Variants in ABLIM2 observed in about 807,000 individuals in gnomAD.
The protein encoded by ABLIM2 is actin-binding LIM protein 2.
A neutral mutation model predicts 97.7 loss-of-function variants in ABLIM2; 53 were observed. That is an observed-to-expected ratio of 0.54 (90% CI 0.44 to 0.68). ABLIM2 has a LOEUF of 0.68. ABLIM2 is among the 30% of genes least tolerant of loss of function. The probability of loss-of-function intolerance (pLI) is 0.00; values close to 1 mark genes in which losing one functional copy is unlikely to be tolerated. For synonymous variants in ABLIM2, 361 were observed against 345.8 expected (o/e 1.04, Z -0.49); for missense variants, 835 against 867.2 (o/e 0.96, Z 0.47).
At chr4:8,103,916 C>T (rs1308413120) in intron 2 of ABLIM2, among the ~76,000 whole-genome samples, 2 of 152,192 alleles carry the variant, frequency 1.3e-5, no homozygotes, top group Non-Finnish European at 2.9e-5. Flanking sequence ...TTAAAATAGG[C>T]TTTTAAAAAG....
At chr4:8,108,661 G>T (rs1031132195) in intron 1 of ABLIM2, among the ~76,000 whole-genome samples, 19 of 152,224 alleles carry the variant, frequency 1.2e-4, no homozygotes, top group African/African-American at 4.6e-4. Context: ...AATCACACGG[G>T]ACGCCCCCCT....
chr4:8,089,649 C>A (rs1249539493), intron 3 of ABLIM2, among the ~76,000 whole-genome samples: 7 of 145,398 alleles, frequency 4.8e-5, no homozygotes, highest in Non-Finnish European at 1.0e-4. Context: ...GCAGGACAAT[C>A]GCTTGAACTG....
In ABLIM2 at chr4:8,003,344, C is replaced by T. The variant is rs532867102; in HGVS notation, c.1618+4715G>A. Among the ~76,000 whole-genome samples, 15 of 152,274 alleles carry T rather than the reference C, an allele frequency of 9.9e-5. No homozygotes were observed. The East Asian group carries it at 1.2e-3, about 12-fold the overall frequency. On this transcript the variant is annotated intron_variant, in intron 16 of 20. Transcript: ENST00000447017. The surrounding 1 kb of genome is among the most constrained non-coding windows in gnomAD (Gnocchi z 4.2). Reference sequence around the variant, plus strand: ...TCATAGAGGGCTGGCCGTCTCATGTCATTCGCTGAATGCTGTACTGAGAGT... The same window carrying T: ...TCATAGAGGGCTGGCCGTCTCATGTTATTCGCTGAATGCTGTACTGAGAGT...
At chr4:8,131,260 T>C (rs542491706) in intron 1 of ABLIM2, among the ~76,000 whole-genome samples, 2 of 152,326 alleles carry the variant, frequency 1.3e-5, no homozygotes, top group African/African-American at 2.4e-5. Flanking sequence ...ACTGATACTA[T>C]ATGTAAATGG....
chr4:8,012,686 C>T (rs1765856247), intron 14 of ABLIM2, among the ~76,000 whole-genome samples: 1 of 152,042 alleles, frequency 6.6e-6, no homozygotes, highest in Non-Finnish European at 1.5e-5. Context: ...TGTGCCTTCA[C>T]TTATTTTGAT....
chr4:8,020,203 T>A lies in ABLIM2; in HGVS notation c.1368A>T (p.Pro456=). ...YQQAPRHFHV[P]DTGVKDNIYR... ...CAGCCAGCGTGTCCCGGAGCCTACCTGGGACGTGGAAGTGGCGAGGTGCCT... is the reference window on the plus strand; with the variant it reads ...CAGCCAGCGTGTCCCGGAGCCTACCAGGGACGTGGAAGTGGCGAGGTGCCT... The change falls in exon 13 of 21, where the codon CCA becomes CCT. Residue 456 remains proline, a splice_region_variant and synonymous_variant. Coordinates refer to ENST00000447017, the MANE Select transcript of ABLIM2 (RefSeq NM_001130083.2). 1.2e-5 allele frequency: 20 copies of A among 1,612,888 alleles called. No homozygotes were observed. The highest frequency in any genetic ancestry group is 1.7e-5 in the Non-Finnish European group (20 of 1,179,356).
intron 1 of ABLIM2, among the ~76,000 whole-genome samples, chr4:8,145,463 C>G (rs1029746181): frequency 2.0e-5 from 3 of 152,098 alleles, no homozygotes; most frequent in African/African-American, 2.4e-5. Context: ...GGATTACAGG[C>G]ATGAGCTACC....
Position 8,075,933 on chromosome 4 carries a change from C to T in ABLIM2, c.675+1695G>A, listed in dbSNP as rs572461457. Reference sequence around the variant, plus strand: ...ACTATGATTACATGGAAAGAAAAAACGAAAGAAAACTGGCCAGAAAGTTAG... The same window carrying T: ...ACTATGATTACATGGAAAGAAAAAATGAAAGAAAACTGGCCAGAAAGTTAG... On this transcript the variant is annotated intron_variant, in intron 6 of 20. Coordinates refer to ENST00000447017, the MANE Select transcript of ABLIM2 (RefSeq NM_001130083.2). The surrounding 1 kb of genome is among the most constrained non-coding windows in gnomAD (Gnocchi z 4.4). Among the ~76,000 whole-genome samples, 26 of 152,162 alleles carry T rather than the reference C, an allele frequency of 1.7e-4. No individual in the cohort carries two copies. Among genetic ancestry groups the T allele is most frequent in the Non-Finnish European group, 2.9e-4 (20 of 68,026 alleles).
chr4:8,036,001 G>T, intron 10 of ABLIM2, 148 bp downstream of exon 10: 1 of 992,010 alleles, frequency 1.0e-6, no homozygotes, highest in East Asian at 2.7e-5. Flanking sequence ...ATGGCTATCT[G>T]ATGGGCGTGA....
chr4:8,050,523 C>T (rs906469931), intron 8 of ABLIM2, among the ~76,000 whole-genome samples: 20 of 152,266 alleles, frequency 1.3e-4, no homozygotes, highest in African/African-American at 4.3e-4. Context: ...GGGCTAGGAC[C>T]GGGAGTCATT....
In ABLIM2 at chr4:8,127,420, G is replaced by A. The variant is rs1054133007; in HGVS notation, c.11-20783C>T. ...CGCAGGGCACAACTTGACTGGACCC[G>A]TCCTTTCCCACCAGACCCCTGAAGC... On this transcript the variant is annotated intron_variant, in intron 1 of 20. Transcript: ENST00000447017. The surrounding 1 kb of genome is among the most constrained non-coding windows in gnomAD (Gnocchi z 7.3). 1.9e-5 allele frequency: 22 copies of A among 1,173,914 alleles called. No individual in the cohort carries two copies. Among genetic ancestry groups the A allele is most frequent in the Admixed American group, 1.0e-4 (4 of 39,210 alleles). 72.7% of individuals were successfully genotyped at this position (1,173,914 alleles called of 1,614,324 possible).
rs1348024102 is a variant in ABLIM2, at chr4:8,125,439, G to A, written c.11-18802C>T. 6.6e-6 allele frequency among the ~76,000 whole-genome samples: 1 copy of A among 152,246 alleles called. No homozygotes were observed. The highest frequency in any genetic ancestry group is 1.5e-5 in the Non-Finnish European group (1 of 68,044). ...AATTGTGGATACCCTTGCTTCGCAT[G>A]TGAATCGCGATCTGCAGTGCTGATG... is the stretch of plus-strand genomic sequence containing the variant. On this transcript the variant is annotated intron_variant, in intron 1 of 20. Coordinates refer to ENST00000447017, the MANE Select transcript of ABLIM2 (RefSeq NM_001130083.2). The surrounding 1 kb of genome is among the most constrained non-coding windows in gnomAD (Gnocchi z 6.2).
chr4:7,977,581 G>C (rs950827288), intron 20 of ABLIM2, among the ~76,000 whole-genome samples: 5 of 152,016 alleles, frequency 3.3e-5, no homozygotes, highest in African/African-American at 9.7e-5. Context: ...CCAGAGGTCG[G>C]GAGTTTGAGA....
rs1815388256 is a variant in ABLIM2, at chr4:8,075,442, C to T, written c.675+2186G>A. On this transcript the variant is annotated intron_variant, in intron 6 of 20. Transcript: ENST00000447017. This position sits in a 1 kb window ranked among gnomAD's most constrained non-coding sequence, Gnocchi z 4.4. ...GTATGGTGACTCACACCTGTAATCC[C>T]AGCACTTTGGGCGGTGAAGGCAGGT... Among the ~76,000 whole-genome samples, 1 of 152,132 alleles carries T rather than the reference C, an allele frequency of 6.6e-6. No homozygotes were observed. Among genetic ancestry groups the T allele is most frequent in the Non-Finnish European group, 1.5e-5 (1 of 68,026 alleles).
intron 1 of ABLIM2, among the ~76,000 whole-genome samples, chr4:8,115,944 G>C (rs1125307): frequency 6.6e-6 from 1 of 152,010 alleles, no homozygotes; most frequent in Non-Finnish European, 1.5e-5. Context: ...CTGTGACCAC[G>C]CATGGAGCCC....
In ABLIM2 at chr4:8,058,735, C is replaced by A. The variant is rs1045245675; in HGVS notation, c.763+2232G>T. Among the ~76,000 whole-genome samples, 3 of 152,148 alleles carry A rather than the reference C, an allele frequency of 2.0e-5. No homozygotes were observed. The highest frequency in any genetic ancestry group is 7.2e-5 in the African/African-American group (3 of 41,446). The stretch of plus-strand genomic sequence containing the variant: ...CCTCGAACTTTGCCCAGGTCTCCAC[C>A]ATCACCCTCCCAACCCATCCAGTCT... On this transcript the variant is annotated intron_variant, in intron 7 of 20. Transcript: ENST00000447017. The surrounding 1 kb of genome is among the most constrained non-coding windows in gnomAD (Gnocchi z 4.2).
At position 8,068,998 on chromosome 4, in the gene ABLIM2, G is replaced by A. The variant is rs556545905; in HGVS notation, c.676-7944C>T. On this transcript the variant is annotated intron_variant, in intron 6 of 20. Coordinates refer to ENST00000447017, the MANE Select transcript of ABLIM2 (RefSeq NM_001130083.2). The surrounding 1 kb of genome is among the most constrained non-coding windows in gnomAD (Gnocchi z 4.5). ...GGGGCCACTGCATCCCAGAAAGAAGGGCCCCACTCTGAGCAGTGCCCAGCA... is the reference window on the plus strand; with the variant it reads ...GGGGCCACTGCATCCCAGAAAGAAGAGCCCCACTCTGAGCAGTGCCCAGCA... Among the ~76,000 whole-genome samples the A allele has an allele frequency of 1.8e-4, 27 of 152,366 alleles. No individual in the cohort carries two copies. Among genetic ancestry groups the A allele is most frequent in the Admixed American group, 2.6e-4 (4 of 15,314 alleles).
rs1253014104 is a variant in ABLIM2 at position 8,122,570 on chromosome 4, C to T, written c.11-15933G>A. 6.6e-6 allele frequency among the ~76,000 whole-genome samples: 1 copy of T among 152,206 alleles called. No homozygotes were observed. The highest frequency in any genetic ancestry group is 1.5e-5 in the Non-Finnish European group (1 of 68,030). On this transcript the variant is annotated intron_variant, in intron 1 of 20. Coordinates refer to ENST00000447017, the MANE Select transcript of ABLIM2 (RefSeq NM_001130083.2). The surrounding 1 kb of genome is among the most constrained non-coding windows in gnomAD (Gnocchi z 4.1). ...ATCATGAGGACCCCACCCTCACGACCTCATCTAAACCCCATCACCTCCCCA... is the reference window on the plus strand; with the variant it reads ...ATCATGAGGACCCCACCCTCACGACTTCATCTAAACCCCATCACCTCCCCA...
intron 7 of ABLIM2, among the ~76,000 whole-genome samples, chr4:8,060,377 T>C (rs895115179): frequency 5.9e-5 from 9 of 152,192 alleles, no homozygotes; most frequent in African/African-American, 1.7e-4. Flanking sequence ...TGAGGGGGCC[T>C]GGGCCATTTC....
Sources: gnomAD v4.1 joint callset for allele counts (sites outside exome capture counted in the v4.1 genomes callset) on GRCh38, gnomAD v4.1.1 for gene constraint, Gnocchi (gnomAD v3.1) non-coding constraint, MANE v1.5 for transcripts, NCBI Gene and HGNC (gene_info 2026-07-23, HGNC 2026-07-21) for gene names.